TNRC18: variants seen among roughly 807,000 people sequenced by gnomAD.
TNRC18 encodes trinucleotide repeat containing 18, also known as trinucleotide repeat-containing gene 18 protein.
In TNRC18, 69 loss-of-function variants were observed where a neutral mutation model predicts 226.7. That is an observed-to-expected ratio of 0.30 (90% CI 0.25 to 0.37). The LOEUF (loss-of-function observed/expected upper bound fraction) is 0.37, where lower values mean the gene tolerates loss of function less well. Ranked by LOEUF, TNRC18 falls within the 10% of genes least tolerant of loss-of-function variation. The probability of loss-of-function intolerance (pLI) is 1.00; values close to 1 mark genes in which losing one functional copy is unlikely to be tolerated. For synonymous variants in TNRC18, 2,449 were observed against 1,927.6 expected (o/e 1.27, Z -7.09); for missense variants, 4,754 against 4,256.6 (o/e 1.12, Z -3.25).
intron 5 of TNRC18, among the ~76,000 whole-genome samples, chr7:5,381,127 C>CG (rs1779370697): frequency 1.3e-5 from 2 of 152,200 alleles, no homozygotes; most frequent in African/African-American, 2.4e-5. Flanking sequence ...CATATCAGAG[C>CG]ACCTGCCACC....
At chr7:5,404,968 A>T (rs1169068396) in intron 2 of TNRC18, among the ~76,000 whole-genome samples, 1 of 151,942 alleles carries the variant, frequency 6.6e-6, no homozygotes, top group East Asian at 1.9e-4. Flanking sequence ...CAAAAAAAAA[A>T]TTAGCTGGGT....
intron 16 of TNRC18, 106 bp from the exon 17 acceptor site, chr7:5,352,200 C>T (rs1324765848): frequency 2.4e-6 from 3 of 1,224,570 alleles, no homozygotes; most frequent in East Asian, 5.1e-5. Flanking sequence ...GGTGCCAGAA[C>T]AAACAGGTCC....
chr7:5,419,005 G>C (rs749732808), intron 2 of TNRC18, among the ~76,000 whole-genome samples: 1 of 152,204 alleles, frequency 6.6e-6, no homozygotes, highest in Non-Finnish European at 1.5e-5. Flanking sequence ...TCAAGGGGGC[G>C]GCAGCTGTCC....
chr7:5,380,218 G>A (rs1220768869), intron 5 of TNRC18, among the ~76,000 whole-genome samples: 3 of 152,174 alleles, frequency 2.0e-5, no homozygotes, highest in African/African-American at 7.2e-5. Flanking sequence ...GGCCGAGGTG[G>A]GAGGATCACT....
rs772316300 is a variant in TNRC18, at chr7:5,390,543, G to A, written c.429C>T (p.Leu143=). The A allele has an allele frequency of 6.2e-7, 1 of 1,613,578 alleles. No homozygotes were observed. Among genetic ancestry groups the A allele is most frequent in the African/African-American group, 1.3e-5 (1 of 74,890 alleles). ...AAATGCTGGGCTGACCCAGCTGGCTGAGGAGGGGGCTCCCACTGCTGGGGG... is the reference window on the plus strand; with the variant it reads ...AAATGCTGGGCTGACCCAGCTGGCTAAGGAGGGGGCTCCCACTGCTGGGGG... ...LEPPSSGSPL[L]SQLGQPSIFD... Residue 143 remains leucine, a synonymous_variant, in exon 4 of 30, where the codon CTC becomes CTT. Transcript: ENST00000430969.
rs1393846853 is a variant in TNRC18, at chr7:5,362,677, G to A, written c.4368C>T (p.Tyr1456=). ...GCTCCTCCTTCTTGCGCATCCAGCT[G>A]TACTTCTTGTTGGGCTTCAGCTCCC... The part of the protein sequence containing the change: ...LPRELKPNKK[Y]SWMRKKEERM... The change falls in exon 12 of 30, where the codon TAC becomes TAT. Residue 1456 remains tyrosine (Y), a synonymous_variant. Transcript: ENST00000430969. 1.3e-6 allele frequency: 2 copies of A among 1,589,272 alleles called. No individual in the cohort carries two copies. Among genetic ancestry groups the A allele is most frequent in the Non-Finnish European group, 1.7e-6 (2 of 1,168,810 alleles).
intron 13 of TNRC18, 72 bp from the exon 14 acceptor site, chr7:5,361,794 A>G: frequency 6.5e-7 from 1 of 1,532,776 alleles, no homozygotes; most frequent in East Asian, 2.5e-5. Context: ...CACACGATGC[A>G]CACACGGCGC....
chr7:5,348,459 G>A (rs1433660798), intron 17 of TNRC18, among the ~76,000 whole-genome samples: 1 of 152,182 alleles, frequency 6.6e-6, no homozygotes, highest in Non-Finnish European at 1.5e-5. Context: ...CAACTCCACA[G>A]TCTCCTGCCA....
In TNRC18 at chr7:5,325,162, G is replaced by C. The variant is rs371946501; in HGVS notation, c.6234C>G (p.His2078Gln). 1 of 1,552,596 alleles carries C rather than the reference G, an allele frequency of 6.4e-7. No homozygotes were observed. Among genetic ancestry groups the C allele is most frequent in the Non-Finnish European group, 8.7e-7 (1 of 1,148,202 alleles). The change falls in exon 20 of 30, where the codon CAC becomes CAG. Residue 2078 changes from histidine to glutamine, a missense_variant. Transcript: ENST00000430969. ...TTTTGGCAGCGGTCAGGGAGCTGGC[G>C]TGAGGAGCCCTGGCCTCAGAGGGCA... Reference protein sequence around the residue: ...PALPSEARAPHASSLTAAKRS... With the variant: ...PALPSEARAPQASSLTAAKRS...
intron 17 of TNRC18, among the ~76,000 whole-genome samples, chr7:5,349,419 A>T (rs985313504): frequency 2.6e-5 from 4 of 152,142 alleles, no homozygotes; most frequent in East Asian, 1.9e-4. Context: ...AAAACTTTTT[A>T]TTATTATTAT....
At chr7:5,334,204 T>A (rs1789845386) in intron 18 of TNRC18, among the ~76,000 whole-genome samples, 2 of 152,202 alleles carry the variant, frequency 1.3e-5, no homozygotes, top group South Asian at 4.1e-4. Context: ...TGCTCTGCAC[T>A]GCCCCGGTAG....
At chr7:5,375,899 G>T (rs1221706410) in intron 9 of TNRC18, 135 bp downstream of exon 9, 10 of 857,496 alleles carry the variant, frequency 1.2e-5, no homozygotes, top group South Asian at 3.5e-5. Flanking sequence ...TCCTCCAGAA[G>T]CCCTCCCTGA....
intron 18 of TNRC18, among the ~76,000 whole-genome samples, chr7:5,334,548 C>T (rs891424527): frequency 6.6e-6 from 1 of 151,660 alleles, no homozygotes; most frequent in Non-Finnish European, 1.5e-5. Context: ...CTGCCTGCCT[C>T]GGCCTCCCAA....
chr7:5,350,118 G>A (rs767289792), intron 17 of TNRC18, among the ~76,000 whole-genome samples: 1 of 152,088 alleles, frequency 6.6e-6, no homozygotes, highest in Admixed American at 6.5e-5. Flanking sequence ...GCCCATGGGG[G>A]AGATGGGGGA....
Position 5,326,064 on chromosome 7 carries a change from G to A in TNRC18, c.6148-816C>T, listed in dbSNP as rs144377651. 6.5e-3 allele frequency among the ~76,000 whole-genome samples: 983 copies of A among 151,896 alleles called. 8 individuals carry two copies. Among genetic ancestry groups the A allele is most frequent in the Non-Finnish European group, 0.011 (721 of 67,972 alleles). On this transcript the variant is annotated intron_variant, in intron 19 of 29. Transcript: ENST00000430969. Reference sequence around the variant, plus strand: ...ACTAGTATATATTACTTGTTGCCCCGTCTGCCCAAAAAAGACACCACTGAA... The same window carrying A: ...ACTAGTATATATTACTTGTTGCCCCATCTGCCCAAAAAAGACACCACTGAA...
chr7:5,387,293 G>A (rs958383565), intron 5 of TNRC18, among the ~76,000 whole-genome samples: 1 of 152,152 alleles, frequency 6.6e-6, no homozygotes, highest in Non-Finnish European at 1.5e-5. Flanking sequence ...GGCTGGCTAG[G>A]TACCGGGGAC....
intron 2 of TNRC18, among the ~76,000 whole-genome samples, chr7:5,414,293 A>AAT (rs1025441137): frequency 4.6e-5 from 7 of 150,870 alleles, no homozygotes; most frequent in Admixed American, 2.0e-4. Flanking sequence ...GTCTCCCATA[A>AAT]ATATATATAT....
chr7:5,413,644 C>T (rs1050595173), intron 2 of TNRC18, among the ~76,000 whole-genome samples: 4 of 152,224 alleles, frequency 2.6e-5, no homozygotes, highest in African/African-American at 9.6e-5. Context: ...ATCCTCCCAT[C>T]TCAGACTCCC....
intron 2 of TNRC18, among the ~76,000 whole-genome samples, chr7:5,411,612 G>A (rs575758600): frequency 5.7e-4 from 86 of 151,852 alleles, no homozygotes; most frequent in Non-Finnish European, 1.1e-3. Context: ...AGGCATACTA[G>A]GACCCAAAAA....
Sources: gnomAD v4.1 joint callset for allele counts (sites outside exome capture counted in the v4.1 genomes callset) on GRCh38, gnomAD v4.1.1 for gene constraint, MANE v1.5 for transcripts, NCBI Gene and HGNC (gene_info 2026-07-23, HGNC 2026-07-21) for gene names.